Variants in CDH12 observed in about 807,000 individuals in gnomAD.
CDH12 encodes the protein cadherin 12, also known as cadherin-12.
CDH12 carries 41 observed loss-of-function variants against 74.1 expected under a neutral mutation model. The ratio of observed to expected loss-of-function variants is 0.55; its 90% CI spans 0.43 to 0.72. The LOEUF (loss-of-function observed/expected upper bound fraction) is 0.72, where lower values mean the gene tolerates loss of function less well. CDH12 is among the 30% of genes least tolerant of loss of function. The probability of loss-of-function intolerance (pLI) is 0.00; values close to 1 mark genes in which losing one functional copy is unlikely to be tolerated. For missense variants in CDH12, 945 were observed against 977.2 expected, an observed-to-expected ratio of 0.97 and a Z score of 0.44; for synonymous variants, 399 against 355.0, an observed-to-expected ratio of 1.12 and a Z score of -1.39.
intron 1 of CDH12, among the ~76,000 whole-genome samples, chr5:22,732,979 T>A (rs1744509249): frequency 6.6e-6 from 1 of 151,938 alleles, no homozygotes; most frequent in South Asian, 2.1e-4. Context: ...TTATTTTTTA[T>A]AAAATGAATA....
chr5:22,554,973 A>C (rs2126739546), intron 1 of CDH12, among the ~76,000 whole-genome samples: 1 of 152,262 alleles, frequency 6.6e-6, no homozygotes, highest in South Asian at 2.1e-4. Flanking sequence ...TTACCCAAAG[A>C]GCATGAAGAA....
At chr5:21,850,671 A>T (rs572259471) in intron 7 of CDH12, among the ~76,000 whole-genome samples, 3 of 151,648 alleles carry the variant, frequency 2.0e-5, no homozygotes, top group African/African-American at 7.2e-5. Context: ...TGAAAGGTCG[A>T]TAGACTCAAG....
At chr5:22,655,948 T>C (rs1475881116) in intron 1 of CDH12, among the ~76,000 whole-genome samples, 1 of 152,190 alleles carries the variant, frequency 6.6e-6, no homozygotes, top group Non-Finnish European at 1.5e-5. Flanking sequence ...AGCATCACTT[T>C]AGAAGTCTCT....
intron 6 of CDH12, among the ~76,000 whole-genome samples, chr5:21,920,429 A>G (rs1239217215): frequency 6.6e-6 from 1 of 152,148 alleles, no homozygotes; most frequent in African/African-American, 2.4e-5. Context: ...ACACAAGAAT[A>G]GAAAACCAAA....
intron 1 of CDH12, among the ~76,000 whole-genome samples, chr5:22,759,392 G>GT (rs1434077697): frequency 2.0e-5 from 3 of 151,970 alleles, no homozygotes; most frequent in Non-Finnish European, 4.4e-5. Context: ...CTGTTTTGGG[G>GT]TTAAAAAGTA....
chr5:22,659,944 T>C (rs1740260319), intron 1 of CDH12, among the ~76,000 whole-genome samples: 1 of 152,122 alleles, frequency 6.6e-6, no homozygotes, highest in Non-Finnish European at 1.5e-5. Context: ...TCAAAATCAA[T>C]ATTGAAATTT....
intron 1 of CDH12, among the ~76,000 whole-genome samples, chr5:22,601,696 C>G (rs773511962): frequency 1.3e-5 from 2 of 152,008 alleles, no homozygotes; most frequent in African/African-American, 4.8e-5. Flanking sequence ...ATCCTTACAT[C>G]TCCCAGATGC....
At position 21,913,517 on chromosome 5, in the gene CDH12, C is replaced by A. The variant is rs377317981; in HGVS notation, c.527-58727G>T. On this transcript the variant is annotated intron_variant, in intron 6 of 14. Transcript: ENST00000382254. ...TAATTCACAAATTTTCCTTCAGTAA[C>A]TTCATATGTTTTGTGCAGAATCAAA... is the stretch of plus-strand genomic sequence containing the variant. Among the ~76,000 whole-genome samples, 4 of 152,172 alleles carry A rather than the reference C, an allele frequency of 2.6e-5. No individual in the cohort carries two copies. The East Asian group carries it at 7.7e-4, about 29-fold the overall frequency.
At chr5:22,662,620 C>T (rs111978950) in intron 1 of CDH12, among the ~76,000 whole-genome samples, 34 of 152,246 alleles carry the variant, frequency 2.2e-4, no homozygotes, top group South Asian at 6.2e-4. Flanking sequence ...TGTATGGCAA[C>T]GGCATAAAGC....
At chr5:22,426,788 T>C (rs750632814) in intron 2 of CDH12, among the ~76,000 whole-genome samples, 2 of 152,186 alleles carry the variant, frequency 1.3e-5, no homozygotes, top group Non-Finnish European at 2.9e-5. Flanking sequence ...ACTTGTATTA[T>C]TATACATGGT....
At chr5:22,389,565 C>T (rs1742140162) in intron 3 of CDH12, among the ~76,000 whole-genome samples, 1 of 151,690 alleles carries the variant, frequency 6.6e-6, no homozygotes, top group Admixed American at 6.6e-5. Flanking sequence ...AACATCAATG[C>T]AAAAACATAA....
At chr5:22,220,989 A>AAG (rs1305042102) in intron 3 of CDH12, among the ~76,000 whole-genome samples, 1 of 147,412 alleles carries the variant, frequency 6.8e-6, no homozygotes, top group Non-Finnish European at 1.5e-5. Flanking sequence ...ACCTTCATCA[A>AAG]ATACACACAC....
chr5:21,770,393 G>A (rs1036558537), intron 11 of CDH12, among the ~76,000 whole-genome samples: 3 of 152,092 alleles, frequency 2.0e-5, no homozygotes, highest in Non-Finnish European at 2.9e-5. Flanking sequence ...GGAGGCCAAG[G>A]CAAGTGGATC....
At chr5:22,546,108 C>A (rs1447444453) in intron 1 of CDH12, among the ~76,000 whole-genome samples, 1 of 152,046 alleles carries the variant, frequency 6.6e-6, no homozygotes, top group Non-Finnish European at 1.5e-5. Flanking sequence ...CCACGCCTGG[C>A]TTATTTTTTG....
intron 6 of CDH12, among the ~76,000 whole-genome samples, chr5:21,897,918 T>C (rs1220337785): frequency 6.6e-6 from 1 of 152,144 alleles, no homozygotes; most frequent in Non-Finnish European, 1.5e-5. Context: ...GTCATTAAAA[T>C]GTAAAGCAAA....
chr5:22,326,839 GT>G (rs1195094391), intron 3 of CDH12, among the ~76,000 whole-genome samples: 1 of 152,090 alleles, frequency 6.6e-6, no homozygotes, highest in African/African-American at 2.4e-5. Flanking sequence ...AAAAGGCAGT[GT>G]TGTATATGTT....
intron 4 of CDH12, among the ~76,000 whole-genome samples, chr5:22,079,754 A>G (rs2150226762): frequency 6.6e-6 from 1 of 152,246 alleles, no homozygotes; most frequent in South Asian, 2.1e-4. Context: ...TTTTAAATTC[A>G]CTTATCTAAT....
intron 1 of CDH12, among the ~76,000 whole-genome samples, chr5:22,658,313 A>T (rs1740163381): frequency 6.6e-6 from 1 of 152,110 alleles, no homozygotes; most frequent in Admixed American, 6.6e-5. Context: ...TACACCTGTA[A>T]ATTAGGTGTT....
intron 3 of CDH12, among the ~76,000 whole-genome samples, chr5:22,314,932 T>C (rs1738549265): frequency 7.1e-6 from 1 of 140,902 alleles, no homozygotes; most frequent in South Asian, 2.3e-4. Context: ...CAGAGGTCCC[T>C]GGGTTGGTCT....
Sources: allele counts gnomAD v4.1 joint callset (sites outside exome capture counted in the v4.1 genomes callset), GRCh38; gene constraint gnomAD v4.1.1; transcripts MANE v1.5; gene names NCBI Gene and HGNC (gene_info 2026-07-23, HGNC 2026-07-21).